CC2D2A: variants seen among roughly 807,000 people sequenced by gnomAD.
CC2D2A encodes the protein coiled-coil and C2 domain containing 2A.
Under a neutral mutation model 212.9 loss-of-function variants are expected in CC2D2A, and 155 were observed. The observed-to-expected ratio is 0.73, with a 90% confidence interval of 0.64 to 0.83. The LOEUF (loss-of-function observed/expected upper bound fraction) is 0.83. Ranked by LOEUF, CC2D2A falls within the 40% of genes least tolerant of loss-of-function variation. CC2D2A has a pLI of 0.00. For synonymous variants in CC2D2A, 667 were observed against 686.5 expected, an observed-to-expected ratio of 0.97 and a Z score of 0.44; for missense variants, 1,856 against 1,956.2, an observed-to-expected ratio of 0.95 and a Z score of 0.97.
In CC2D2A at chr4:15,567,482, G is replaced by C. The variant is rs863225169; in HGVS notation, c.3288G>C (p.Gln1096His). The change falls in exon 25 of 37, where the codon CAG becomes CAC. Residue 1096 changes from glutamine to histidine, a missense_variant and splice_region_variant. This residue lies in a region of CC2D2A where 1,512 missense variants were observed against 1,579.3 expected (regional missense o/e 0.96). Transcript: ENST00000424120. Reference protein sequence around the residue: ...PTHNADYPLGQVLVRPFVEVS... With the variant: ...PTHNADYPLGHVLVRPFVEVS... ...ACAATGCTGACTACCCCCTCGGCCAGGTGAGAGATGCTGGACTTCAGCTTT... is the reference window on the plus strand; with the variant it reads ...ACAATGCTGACTACCCCCTCGGCCACGTGAGAGATGCTGGACTTCAGCTTT... The C allele has an allele frequency of 8.1e-6, 13 of 1,610,796 alleles. No individual in the cohort carries two copies. Among genetic ancestry groups the C allele is most frequent in the Non-Finnish European group, 1.1e-5 (13 of 1,178,416 alleles).
At chr4:15,472,275 G>A (rs1713883197) in intron 1 of CC2D2A, among the ~76,000 whole-genome samples, 1 of 152,312 alleles carries the variant, frequency 6.6e-6, no homozygotes, top group South Asian at 2.1e-4. Flanking sequence ...TACTAAGCCA[G>A]ACATGTTATT....
Position 15,540,856 on chromosome 4 carries a change from G to A in CC2D2A, c.2023G>A (p.Glu675Lys), listed in dbSNP as rs750224700. The A allele has an allele frequency of 1.2e-6, 2 of 1,600,868 alleles. No homozygotes were observed. Among genetic ancestry groups the A allele is most frequent in the Non-Finnish European group, 1.7e-6 (2 of 1,173,510 alleles). The change falls in exon 17 of 37, where the codon GAG (glutamate) becomes AAG (lysine). Residue 675 changes from glutamate to lysine, a missense_variant. Coordinates refer to ENST00000424120, the MANE Select transcript of CC2D2A (RefSeq NM_001378615.1). ...TTGCAGAGCGGAGGTCTCGAGAAGG[G>A]AGGATGTAAAGAAGCGCTCAGTGTA... The part of the protein sequence containing the change: ...QCPRAEVSRR[E>K]DVKKRSVYLK...
chr4:15,550,352 A>G (rs915134462), intron 17 of CC2D2A, among the ~76,000 whole-genome samples: 8 of 152,176 alleles, frequency 5.3e-5, no homozygotes, highest in African/African-American at 1.9e-4. Context: ...GATTTACTAA[A>G]AATGTAACAC....
At chr4:15,484,240 A>G (rs1714868315) in intron 4 of CC2D2A, among the ~76,000 whole-genome samples, 1 of 152,230 alleles carries the variant, frequency 6.6e-6, no homozygotes, top group South Asian at 2.1e-4. Context: ...AGAATGTTCC[A>G]GGCAGTGGTC....
At chr4:15,536,760 GATA>G (rs1329004102) in intron 14 of CC2D2A, among the ~76,000 whole-genome samples, 157 bp from the exon 15 acceptor site, 4 of 152,146 alleles carry the variant, frequency 2.6e-5, no homozygotes, top group Admixed American at 6.5e-5. Context: ...ATACGATGTG[GATA>G]ATAATAGCAT....
rs192551857 is a variant in CC2D2A at position 15,489,586 on chromosome 4, G to A, written c.247+8759G>A. Among the ~76,000 whole-genome samples the A allele has an allele frequency of 1.3e-3, 198 of 152,046 alleles. 1 individual carries two copies. The highest frequency in any genetic ancestry group is 4.2e-3 in the African/African-American group (176 of 41,476). ...CCAATTCCCTACCCTCCTTTAAAGC[G>A]AACAAACAAAAAAATAAAACTTCTT... On this transcript the variant is annotated intron_variant, in intron 4 of 36. Coordinates refer to ENST00000424120, the MANE Select transcript of CC2D2A (RefSeq NM_001378615.1).
At chr4:15,502,699 T>G in intron 5 of CC2D2A, 123 bp from the exon 6 acceptor site, 1 of 1,028,664 alleles carries the variant, frequency 9.7e-7, no homozygotes, top group Non-Finnish European at 1.4e-6. Flanking sequence ...CAGAATTTAA[T>G]GTCACTTTTC....
chr4:15,476,619 A>G (rs1017726589), intron 2 of CC2D2A, among the ~76,000 whole-genome samples: 1 of 152,120 alleles, frequency 6.6e-6, no homozygotes, highest in African/African-American at 2.4e-5. Context: ...GGTTCTATGA[A>G]CTCTGACACA....
At chr4:15,522,206 A>AATACATGC (rs1470646958) in intron 11 of CC2D2A, among the ~76,000 whole-genome samples, 2 of 152,208 alleles carry the variant, frequency 1.3e-5, no homozygotes, top group East Asian at 1.9e-4. Context: ...GTCTCTAAAA[A>AATACATGC]ATACATGCAT....
At position 15,563,398 on chromosome 4, in the gene CC2D2A, C is replaced by A; in HGVS notation, c.3058C>A (p.Pro1020Thr). ...SLFKLAEQKR[P>T]LRPRRKGRKK... is the part of the protein sequence containing the mutation. ...TTTCAAGCTGGCAGAACAAAAGCGA[C>A]CACTGCGGCCAAGGAGAAAAGGTCG... Residue 1020 changes from proline (P) to threonine (T), a missense_variant, in exon 24 of 37, where the codon CCA becomes ACA. Physicochemically the swap from Pro to Thr is conservative, Grantham distance 38. Transcript: ENST00000424120. 6.2e-7 allele frequency: 1 copy of A among 1,607,656 alleles called. No homozygotes were observed. The highest frequency in any genetic ancestry group is 8.5e-7 in the Non-Finnish European group (1 of 1,176,898).
chr4:15,582,332 T>G (rs1002462728), intron 30 of CC2D2A, among the ~76,000 whole-genome samples: 3 of 151,738 alleles, frequency 2.0e-5, no homozygotes, highest in African/African-American at 7.3e-5. Flanking sequence ...TAAACCCAAA[T>G]TAAGTAGAAG....
intron 1 of CC2D2A, among the ~76,000 whole-genome samples, chr4:15,474,855 C>T (rs1325201840): frequency 6.6e-6 from 1 of 152,162 alleles, no homozygotes; most frequent in East Asian, 1.9e-4. Flanking sequence ...TTGGCAAAAG[C>T]AGTTGCAGAG....
intron 1 of CC2D2A, among the ~76,000 whole-genome samples, chr4:15,475,268 C>T (rs1004658970): frequency 6.6e-6 from 1 of 152,086 alleles, no homozygotes; most frequent in Non-Finnish European, 1.5e-5. Context: ...AGTGAGACTT[C>T]GTCTCAAAAG....
chr4:15,591,217 C>T, intron 33 of CC2D2A, among the ~76,000 whole-genome samples: 1 of 105,758 alleles, frequency 9.5e-6, no homozygotes, highest in African/African-American at 3.3e-5. Flanking sequence ...GACCATCAGT[C>T]TATTTTTTTT....
At position 15,517,621 on chromosome 4, in the gene CC2D2A, G is replaced by A. The variant is rs184624886; in HGVS notation, c.1149+865G>A. Among the ~76,000 whole-genome samples, 3 of 152,252 alleles carry A rather than the reference G, an allele frequency of 2.0e-5. No individual in the cohort carries two copies. In the East Asian group the frequency reaches 5.8e-4, roughly 29 times the overall value. On this transcript the variant is annotated intron_variant, in intron 11 of 36. Transcript: ENST00000424120. Reference sequence around the variant, plus strand: ...CAGGCTTGCTGTGTAAATTGAATGAGGTAATCCACATAAGTGTCTAAAACA... The same window carrying A: ...CAGGCTTGCTGTGTAAATTGAATGAAGTAATCCACATAAGTGTCTAAAACA...
Position 15,580,149 on chromosome 4 carries a change from C to G in CC2D2A, c.3953C>G (p.Pro1318Arg). The change falls in exon 30 of 37, where the codon CCC becomes CGC. Residue 1318 changes from proline (P) to arginine (R), a missense_variant. By Grantham distance (103) the Pro-to-Arg change is moderately radical. Coordinates refer to ENST00000424120, the MANE Select transcript of CC2D2A (RefSeq NM_001378615.1). ...NPPQELLNVY[P>R]NNLQATAELV... ...CCTCAGGAGCTCCTTAATGTCTACC[C>G]CAATAATCTACAGGCAACTGCAGTA... is the stretch of plus-strand genomic sequence containing the variant. 1 of 1,613,700 alleles carries G rather than the reference C, an allele frequency of 6.2e-7. No homozygotes were observed. The highest frequency in any genetic ancestry group is 8.5e-7 in the Non-Finnish European group (1 of 1,179,706).
chr4:15,533,218 G>T lies in CC2D2A; in HGVS notation c.1492G>T (p.Glu498Ter). The T allele has an allele frequency of 6.3e-7, 1 of 1,584,660 alleles. No individual in the cohort carries two copies. Among genetic ancestry groups the T allele is most frequent in the South Asian group, 1.2e-5 (1 of 83,286 alleles). The change falls in exon 14 of 37, where the codon GAA becomes TAA. Residue 498 changes from glutamate (E) to a stop codon, truncating the protein, a stop_gained. Transcript: ENST00000424120. LOFTEE classifies it high-confidence loss of function. ...IRQTRKFRDA[E>*]QEKDRTLLKT... ...ACAAACAAGAAAATTCCGTGATGCT[G>T]AACAAGAAAAAGATAGAACATTGCT...
chr4:15,551,107 A>G, intron 18 of CC2D2A, 127 bp downstream of exon 18: 2 of 863,664 alleles, frequency 2.3e-6, no homozygotes, highest in Non-Finnish European at 3.2e-6. Context: ...AATTCAAACA[A>G]TGATGCTATG....
chr4:15,539,958 T>G (rs1718335156), intron 16 of CC2D2A, among the ~76,000 whole-genome samples: 1 of 152,222 alleles, frequency 6.6e-6, no homozygotes, highest in Non-Finnish European at 1.5e-5. Flanking sequence ...AGAGAATTTC[T>G]GTTTGGAATG....
Sources: gnomAD v4.1 joint callset for allele counts (sites outside exome capture counted in the v4.1 genomes callset) on GRCh38, gnomAD v4.1.1 for gene constraint, gnomAD v4.1.1 regional missense constraint, MANE v1.5 for transcripts, NCBI Gene and HGNC (gene_info 2026-07-23, HGNC 2026-07-21) for gene names.